PTPRG: variants seen among roughly 807,000 people sequenced by gnomAD.
PTPRG encodes the protein protein tyrosine phosphatase receptor type G.
In PTPRG, 102 loss-of-function variants were observed where a neutral mutation model predicts 165.3. That is an observed-to-expected ratio of 0.62 (90% CI 0.53 to 0.73). The LOEUF (loss-of-function observed/expected upper bound fraction) is 0.73, where lower values mean the gene tolerates loss of function less well. Ranked by LOEUF, PTPRG falls within the 30% of genes least tolerant of loss-of-function variation. The pLI is 0.00. For missense variants in PTPRG, 1,866 were observed against 1,861.4 expected (o/e 1.00, Z -0.05); for synonymous variants, 675 against 669.5 (o/e 1.01, Z -0.13).
intron 2 of PTPRG, among the ~76,000 whole-genome samples, chr3:61,984,423 A>C (rs1459731628): frequency 6.6e-6 from 1 of 152,162 alleles, no homozygotes; most frequent in African/African-American, 2.4e-5. Context: ...TTTATCCAAA[A>C]AGAATATGAC....
intron 5 of PTPRG, among the ~76,000 whole-genome samples, chr3:62,079,027 G>T (rs1701483979): frequency 6.6e-6 from 1 of 152,162 alleles, no homozygotes; most frequent in African/African-American, 2.4e-5. Context: ...ACATAAAGGT[G>T]TTCATTTCAC....
In PTPRG at chr3:61,993,494, C is replaced by T. The variant is rs148479098; in HGVS notation, c.370+3690C>T. Among the ~76,000 whole-genome samples, 56 of 152,304 alleles carry T rather than the reference C, an allele frequency of 3.7e-4. 1 individual carries two copies. The East Asian group carries it at 0.011, about 29-fold the overall frequency. On this transcript the variant is annotated intron_variant, in intron 3 of 29. Transcript: ENST00000474889. The stretch of plus-strand genomic sequence containing the variant: ...TCTGCCTCCCAAAGTGCTGGGATTA[C>T]ACGCATGAGCCTCCGTGCCCGGCCC...
chr3:62,080,556 C>T (rs779242162), intron 5 of PTPRG, among the ~76,000 whole-genome samples: 15 of 152,176 alleles, frequency 9.9e-5, no homozygotes, highest in Non-Finnish European at 1.9e-4. Context: ...GATGCACCCT[C>T]GCTTCCTTCT....
At chr3:62,148,289 G>A (rs1410240971) in intron 6 of PTPRG, among the ~76,000 whole-genome samples, 2 of 152,168 alleles carry the variant, frequency 1.3e-5, no homozygotes, top group East Asian at 1.9e-4. Flanking sequence ...GAACAGCAAG[G>A]TGAGGAGGCA....
chr3:62,164,321 C>A (rs554054214), intron 7 of PTPRG, among the ~76,000 whole-genome samples: 1 of 152,138 alleles, frequency 6.6e-6, no homozygotes, highest in Non-Finnish European at 1.5e-5. Context: ...CGTCACTGCC[C>A]ACTTGCCAAA....
chr3:61,753,585 G>GTTTTGT (rs1553661000), intron 2 of PTPRG: 1 of 325,332 alleles, frequency 3.1e-6, no homozygotes, highest in Non-Finnish European at 5.9e-6. Context: ...AAATTTGAGG[G>GTTTTGT]TTTTTTTTTT....
At chr3:61,759,947 G>A (rs974881706) in intron 2 of PTPRG, among the ~76,000 whole-genome samples, 10 of 151,950 alleles carry the variant, frequency 6.6e-5, no homozygotes, top group Non-Finnish European at 1.5e-4. Flanking sequence ...TGATCTCGTG[G>A]ATTTCATTAT....
intron 14 of PTPRG, among the ~76,000 whole-genome samples, chr3:62,239,359 TC>T (rs1261049711): frequency 2.4e-4 from 36 of 148,944 alleles, no homozygotes; most frequent in African/African-American, 8.7e-4. Flanking sequence ...CTTTTTTCTT[TC>T]TTTTTTTTTT....
intron 1 of PTPRG, among the ~76,000 whole-genome samples, chr3:61,638,915 T>A (rs1373845571): frequency 6.6e-6 from 1 of 152,180 alleles, no homozygotes; most frequent in African/African-American, 2.4e-5. Flanking sequence ...CCCTTTAGTT[T>A]AATTAGGTCC....
intron 8 of PTPRG, among the ~76,000 whole-genome samples, chr3:62,183,417 G>A (rs11914319): frequency 0.09 from 13,672 of 151,992 alleles, 1,738 homozygotes; most frequent in African/African-American, 0.28. Flanking sequence ...TACCAAAATT[G>A]GCCAGGTGTG....
At chr3:61,781,022 G>T (rs189529291) in intron 2 of PTPRG, among the ~76,000 whole-genome samples, 1 of 152,312 alleles carries the variant, frequency 6.6e-6, no homozygotes, top group Non-Finnish European at 1.5e-5. Flanking sequence ...TATTTGACTT[G>T]GGTCTCTTTA....
intron 4 of PTPRG, among the ~76,000 whole-genome samples, chr3:62,022,574 T>A (rs1049940022): frequency 6.6e-6 from 1 of 152,324 alleles, no homozygotes; most frequent in Non-Finnish European, 1.5e-5. Context: ...GGGATTTGAA[T>A]AGGGCCTTCA....
At position 62,003,483 on chromosome 3, in the gene PTPRG, A is replaced by C. The variant is rs755784901; in HGVS notation, c.505A>C (p.Arg169=). Residue 169 remains arginine, a synonymous_variant, in exon 4 of 30, where the codon AGG becomes CGG. Transcript: ENST00000474889. Reference sequence around the variant, plus strand: ...CTCTGAACACAGCATCAATGGCAGGAGGTTTCCTGTTGAGGTGAGAGAAAG... The same window carrying C: ...CTCTGAACACAGCATCAATGGCAGGCGGTTTCCTGTTGAGGTGAGAGAAAG... The part of the protein sequence containing the change: ...AGSEHSINGR[R]FPVEMQIFFY... The C allele has an allele frequency of 6.2e-7, 1 of 1,613,848 alleles. No individual in the cohort carries two copies. The highest frequency in any genetic ancestry group is 2.2e-5 in the East Asian group (1 of 44,868).
chr3:61,571,034 C>T (rs1458606518), intron 1 of PTPRG, among the ~76,000 whole-genome samples: 1 of 152,130 alleles, frequency 6.6e-6, no homozygotes, highest in African/African-American at 2.4e-5. Flanking sequence ...TAGTTCATTA[C>T]AGCATTTACC....
At chr3:62,009,823 C>G (rs925570372) in intron 4 of PTPRG, among the ~76,000 whole-genome samples, 2 of 152,162 alleles carry the variant, frequency 1.3e-5, no homozygotes, top group Non-Finnish European at 2.9e-5. Context: ...TGAGCTTCAG[C>G]AGCATGATAT....
At chr3:62,093,819 C>G (rs1702023038) in intron 5 of PTPRG, among the ~76,000 whole-genome samples, 1 of 152,148 alleles carries the variant, frequency 6.6e-6, no homozygotes, top group Non-Finnish European at 1.5e-5. Context: ...TTAAGATGGA[C>G]CTATCCTTAC....
In PTPRG at chr3:62,156,992, G is replaced by A. The variant is rs1199171947; in HGVS notation, c.683-75G>A. ...TGCGATGTGGCACCAGCATGCCGAG[G>A]GTGTTGACTGTGTCTGCGGCTCGGA... On this transcript the variant is annotated intron_variant, in intron 6 of 29. Coordinates refer to ENST00000474889, the MANE Select transcript of PTPRG (RefSeq NM_002841.4). 7.5e-6 allele frequency: 10 copies of A among 1,325,666 alleles called. No homozygotes were observed. In the African/African-American group the frequency reaches 1.2e-4, roughly 15 times the overall value. The allele number at this position is 1,325,666 out of a possible 1,614,324, so 82.1% of individuals were successfully genotyped here.
chr3:61,592,744 G>C (rs1341577186), intron 1 of PTPRG, among the ~76,000 whole-genome samples: 1 of 148,768 alleles, frequency 6.7e-6, no homozygotes, highest in Non-Finnish European at 1.5e-5. Context: ...CCACCTCCTT[G>C]AATTCTGGTG....
chr3:62,063,451 G>A (rs1700889172), intron 4 of PTPRG, among the ~76,000 whole-genome samples: 1 of 152,164 alleles, frequency 6.6e-6, no homozygotes, highest in Non-Finnish European at 1.5e-5. Context: ...TTTGCTCTCT[G>A]ATTCTCTGGT....
Sources: allele counts gnomAD v4.1 joint callset (sites outside exome capture counted in the v4.1 genomes callset), GRCh38; gene constraint gnomAD v4.1.1; transcripts MANE v1.5; gene names NCBI Gene and HGNC (gene_info 2026-07-23, HGNC 2026-07-21).